Variants in SPATS1 observed in about 807,000 individuals in gnomAD.
SPATS1 encodes spermatogenesis-associated serine-rich protein 1.
A neutral mutation model predicts 33.6 loss-of-function variants in SPATS1; 23 were observed. The observed-to-expected ratio is 0.68, with a 90% CI of 0.49 to 0.97. The LOEUF is 0.97. Among genes scored for constraint, SPATS1 ranks in the 50% least tolerant of loss-of-function variants. SPATS1 has a pLI of 0.00. For missense variants in SPATS1, 327 were observed against 361.0 expected, an observed-to-expected ratio of 0.91 and a Z score of 0.76; for synonymous variants, 131 against 125.6, an observed-to-expected ratio of 1.04 and a Z score of -0.29.
chr6:44,359,877 T>G (rs1788801137), intron 3 of SPATS1, among the ~76,000 whole-genome samples: 1 of 152,120 alleles, frequency 6.6e-6, no homozygotes, highest in South Asian at 2.1e-4. Flanking sequence ...GCCACTTCAT[T>G]CCTTTTTAAG....
intron 3 of SPATS1, among the ~76,000 whole-genome samples, chr6:44,358,466 C>A (rs950975585): frequency 1.3e-5 from 2 of 152,084 alleles, no homozygotes; most frequent in Non-Finnish European, 2.9e-5. Flanking sequence ...TTGATTATTT[C>A]TTCGTCTTCT....
At chr6:44,347,368 T>C (rs1162678133) in intron 2 of SPATS1, among the ~76,000 whole-genome samples, 1 of 67,350 alleles carries the variant, frequency 1.5e-5, no homozygotes, top group African/African-American at 4.6e-5. Flanking sequence ...GAACTTAAAG[T>C]ATAAAAAAAA....
chr6:44,351,122 C>CAAAAAAAAAAAAAAA (rs34139961), intron 2 of SPATS1, among the ~76,000 whole-genome samples: 1 of 75,516 alleles, frequency 1.3e-5, no homozygotes, highest in African/African-American at 5.1e-5. Context: ...GACTCTGTGT[C>CAAAAAAAAAAAAAAA]AAAAAAAAAA....
At chr6:44,372,439 CT>C (rs1165246658) in intron 7 of SPATS1, among the ~76,000 whole-genome samples, 4 of 149,484 alleles carry the variant, frequency 2.7e-5, no homozygotes, top group Admixed American at 6.8e-5. Context: ...ATTTTGTTGT[CT>C]TTTTTTATTT....
chr6:44,351,549 A>G (rs1047373040), intron 2 of SPATS1, among the ~76,000 whole-genome samples: 1 of 152,232 alleles, frequency 6.6e-6, no homozygotes, highest in Admixed American at 6.5e-5. Context: ...TTAGTGCTCT[A>G]CGAAATTATG....
At chr6:44,342,961 C>G in intron 1 of SPATS1, 135 bp from the exon 2 acceptor site, 1 of 1,275,028 alleles carries the variant, frequency 7.8e-7, no homozygotes, top group Non-Finnish European at 1.1e-6. Flanking sequence ...AGTAAGGCTC[C>G]CGTTTAGAGG....
intron 5 of SPATS1, among the ~76,000 whole-genome samples, chr6:44,365,362 C>A (rs1789181132): frequency 6.6e-6 from 1 of 152,184 alleles, no homozygotes; most frequent in African/African-American, 2.4e-5. Context: ...GCTCTTCCCA[C>A]AGTACAGCAT....
At position 44,377,059 on chromosome 6, in the gene SPATS1, C is replaced by T. The variant is rs1431850108; in HGVS notation, c.899C>T (p.Ser300Phe). 1 of 1,614,242 alleles carries T rather than the reference C, an allele frequency of 6.2e-7. No individual in the cohort carries two copies. The highest frequency in any genetic ancestry group is 1.1e-5 in the South Asian group (1 of 91,082). The stretch of plus-strand genomic sequence containing the variant: ...GGTGCTTTGGACTTTCCAAGACAAT[C>T]CTGAGCATAAACAGGCCCACAAAAC... Reference protein sequence around the residue: ...LSGALDFPRQS With the variant: ...LSGALDFPRQF Residue 300 changes from serine (S) to phenylalanine (F), a missense_variant, in exon 9 of 9, where the codon TCC becomes TTC. By Grantham distance (155) the Ser-to-Phe change is radical. Transcript: ENST00000674044.
chr6:44,347,457 G>A (rs1283912787), intron 2 of SPATS1, among the ~76,000 whole-genome samples: 1 of 151,968 alleles, frequency 6.6e-6, no homozygotes, highest in African/African-American at 2.4e-5. Context: ...TTTATAGTTT[G>A]CTATGAAAGT....
chr6:44,377,306 C>T lies in SPATS1; in HGVS notation c.*243C>T. On this transcript the variant is annotated 3_prime_UTR_variant, in exon 9 of 9. Coordinates refer to ENST00000674044, the MANE Select transcript of SPATS1 (RefSeq NM_001372081.1). ...CTATCATTGTTAATATTTGTTCAAA[C>T]TTTCTCTCTCTCACAATATTACAGT... The T allele has an allele frequency of 7.0e-6, 4 of 567,470 alleles. No individual in the cohort carries two copies. The highest frequency in any genetic ancestry group is 1.3e-5 in the Non-Finnish European group (4 of 318,546). 35.2% of individuals were successfully genotyped at this position (567,470 alleles called of 1,614,324 possible). A position where few individuals can be genotyped will look rare whatever the true frequency, so the allele number is the denominator to read the frequency against.
Position 44,352,725 on chromosome 6 carries a change from G to A in SPATS1, c.140-1G>A, listed in dbSNP as rs774680442. ...TAAATGGTGATATCTCTGTGTTACA[G>A]GTGCTAATTGCAGTGATTTTCTGGA... On this transcript the variant is annotated splice_acceptor_variant, in intron 2 of 8. Transcript: ENST00000674044. LOFTEE classifies it high-confidence loss of function. 6 of 1,613,626 alleles carry A rather than the reference G, an allele frequency of 3.7e-6. No homozygotes were observed. Among genetic ancestry groups the A allele is most frequent in the African/African-American group, 1.3e-5 (1 of 74,908 alleles).
At chr6:44,349,752 A>C (rs1006996111) in intron 2 of SPATS1, among the ~76,000 whole-genome samples, 1 of 152,228 alleles carries the variant, frequency 6.6e-6, no homozygotes, top group South Asian at 2.1e-4. Flanking sequence ...ATAGTACTCA[A>C]TGTTCATTGA....
At chr6:44,363,306 G>A (rs1443517816) in intron 5 of SPATS1, among the ~76,000 whole-genome samples, 3 of 151,916 alleles carry the variant, frequency 2.0e-5, no homozygotes, top group Admixed American at 6.6e-5. Flanking sequence ...CACCATGCCC[G>A]GCTGATTTTT....
rs749780780 is a variant in SPATS1, at chr6:44,361,847, T to C, written c.429T>C (p.Pro143=). 38 of 1,614,152 alleles carry C rather than the reference T, an allele frequency of 2.4e-5. No individual in the cohort carries two copies. The highest frequency in any genetic ancestry group is 3.2e-5 in the Non-Finnish European group (38 of 1,180,062). Reference sequence around the variant, plus strand: ...GTATTGCAGAAGATGGGCATCGTCCTGAGTGGACATTTTACCCAAGGTTTA... The same window carrying C: ...GTATTGCAGAAGATGGGCATCGTCCCGAGTGGACATTTTACCCAAGGTTTA... ...LKLQTKDGHR[P]EWTFYPRFSS... Residue 143 remains proline, a synonymous_variant, in exon 5 of 9, where the codon CCT becomes CCC. Transcript: ENST00000674044.
intron 5 of SPATS1, among the ~76,000 whole-genome samples, chr6:44,365,611 TC>T (rs758702553): frequency 5.3e-5 from 8 of 152,200 alleles, no homozygotes; most frequent in Non-Finnish European, 8.8e-5. Flanking sequence ...GTTTTTCACA[TC>T]AGCTCCTTAA....
intron 3 of SPATS1, among the ~76,000 whole-genome samples, chr6:44,356,955 C>T (rs1788625036): frequency 6.6e-6 from 1 of 152,140 alleles, no homozygotes; most frequent in Admixed American, 6.5e-5. Context: ...AAGTGGACTC[C>T]CTGACTTAAA....
chr6:44,351,325 G>T (rs145000771), intron 2 of SPATS1, among the ~76,000 whole-genome samples: 1 of 152,168 alleles, frequency 6.6e-6, no homozygotes, highest in African/African-American at 2.4e-5. Context: ...TCATATAAAC[G>T]ATTTGAGCAT....
chr6:44,351,835 G>T (rs1009902200), intron 2 of SPATS1, among the ~76,000 whole-genome samples: 1 of 152,154 alleles, frequency 6.6e-6, no homozygotes, highest in East Asian at 1.9e-4. Flanking sequence ...CACTGTTATG[G>T]ATTCTACTAA....
chr6:44,365,337 A>G lies in SPATS1; in HGVS notation c.575-3042A>G, dbSNP rs1343548173. 3.3e-5 allele frequency among the ~76,000 whole-genome samples: 5 copies of G among 152,236 alleles called. No homozygotes were observed. In the East Asian group the frequency reaches 7.7e-4, roughly 23 times the overall value. On this transcript the variant is annotated intron_variant, in intron 5 of 8. Coordinates refer to ENST00000674044, the MANE Select transcript of SPATS1 (RefSeq NM_001372081.1). ...GTAGGGAAATAGATCTGAAAATACA[A>G]TTTTCTATTGTGTAGCTCTTCCCAC... is the stretch of plus-strand genomic sequence containing the variant.
Sources: allele counts gnomAD v4.1 joint callset (sites outside exome capture counted in the v4.1 genomes callset), GRCh38; gene constraint gnomAD v4.1.1; transcripts MANE v1.5; gene names NCBI Gene and HGNC (gene_info 2026-07-23, HGNC 2026-07-21).